The following KLHL18 variants were observed in gnomAD, a reference collection of about 807,000 sequenced individuals.
KLHL18 encodes the protein kelch like family member 18, also known as kelch-like protein 18.
A neutral mutation model predicts 58.5 loss-of-function variants in KLHL18; 38 were observed. The observed-to-expected ratio is 0.65, with a 90% confidence interval of 0.50 to 0.85. KLHL18 has a LOEUF of 0.85. KLHL18 is among the 40% of genes least tolerant of loss of function. The pLI, the probability that KLHL18 is intolerant of heterozygous loss-of-function variation, is 0.00. For missense variants in KLHL18, 624 were observed against 778.4 expected (o/e 0.80, Z 2.36); for synonymous variants, 303 against 301.9 (o/e 1.00, Z -0.04).
Position 47,340,687 on chromosome 3 carries a change from C to T in KLHL18, c.1226+11C>T, listed in dbSNP as rs1471517796. On this transcript the variant is annotated intron_variant, in intron 8 of 9. Transcript: ENST00000232766. ...ACCTGAGACGGACAAGTAAGGACTCCAGCTCCCTTGGGGCAACTGGAGCTT... is the reference window on the plus strand; with the variant it reads ...ACCTGAGACGGACAAGTAAGGACTCTAGCTCCCTTGGGGCAACTGGAGCTT... 6.2e-7 allele frequency: 1 copy of T among 1,613,902 alleles called. No homozygotes were observed. The highest frequency in any genetic ancestry group is 1.7e-5 in the Admixed American group (1 of 60,002).
chr3:47,325,684 G>A (rs1237350289), intron 3 of KLHL18, among the ~76,000 whole-genome samples: 2 of 152,040 alleles, frequency 1.3e-5, no homozygotes, highest in Non-Finnish European at 2.9e-5. Context: ...TGAGGCTGGG[G>A]TTGACTTTTT....
At chr3:47,309,808 G>A (rs1703250127) in intron 1 of KLHL18, among the ~76,000 whole-genome samples, 1 of 152,234 alleles carries the variant, frequency 6.6e-6, no homozygotes, top group African/African-American at 2.4e-5. Flanking sequence ...GACCAGCCCG[G>A]CCAACACAGC....
intron 1 of KLHL18, among the ~76,000 whole-genome samples, chr3:47,316,668 CGT>C (rs1290135510): frequency 5.7e-3 from 649 of 114,740 alleles, no homozygotes; most frequent in African/African-American, 0.019. Context: ...TACATATATA[CGT>C]ATATATGTAT....
At chr3:47,310,119 A>G (rs1703264277) in intron 1 of KLHL18, among the ~76,000 whole-genome samples, 1 of 152,174 alleles carries the variant, frequency 6.6e-6, no homozygotes, top group Non-Finnish European at 1.5e-5. Context: ...TATATCTTTT[A>G]CTTTCTTTGG....
intron 3 of KLHL18, among the ~76,000 whole-genome samples, chr3:47,328,626 T>C (rs1244103701): frequency 6.6e-6 from 1 of 152,126 alleles, no homozygotes; most frequent in Non-Finnish European, 1.5e-5. Context: ...AGAGTCCTGA[T>C]TTCAATCTCA....
chr3:47,315,323 AC>A (rs982716685), intron 1 of KLHL18, among the ~76,000 whole-genome samples: 5 of 151,994 alleles, frequency 3.3e-5, no homozygotes, highest in African/African-American at 7.2e-5. Context: ...AGATGCCTGC[AC>A]CCCCTCCCCC....
chr3:47,304,087 C>T (rs1329578464), intron 1 of KLHL18, among the ~76,000 whole-genome samples: 1 of 152,184 alleles, frequency 6.6e-6, no homozygotes, highest in Non-Finnish European at 1.5e-5. Flanking sequence ...TCTACATACA[C>T]ACATACAGTG....
At chr3:47,285,967 G>A (rs1702665759) in intron 1 of KLHL18, among the ~76,000 whole-genome samples, 1 of 151,776 alleles carries the variant, frequency 6.6e-6, no homozygotes, top group African/African-American at 2.4e-5. Flanking sequence ...TTGAGCCTGG[G>A]AGGCAGAGGC....
Position 47,323,129 on chromosome 3 carries a change from C to T in KLHL18, c.401+421C>T, listed in dbSNP as rs538836886. 8.6e-5 allele frequency among the ~76,000 whole-genome samples: 13 copies of T among 151,956 alleles called. No individual in the cohort carries two copies. The East Asian group carries it at 2.5e-3, about 29-fold the overall frequency. Reference sequence around the variant, plus strand: ...TTCAAGACAGGATCTTGCTCTGTCACCCAGGCTGGAGTGCAGTGGTATGAT... The same window carrying T: ...TTCAAGACAGGATCTTGCTCTGTCATCCAGGCTGGAGTGCAGTGGTATGAT... On this transcript the variant is annotated intron_variant, in intron 3 of 9. Transcript: ENST00000232766.
At chr3:47,283,907 G>A (rs1702569003) in intron 1 of KLHL18, among the ~76,000 whole-genome samples, 2 of 152,206 alleles carry the variant, frequency 1.3e-5, no homozygotes, top group Admixed American at 6.5e-5. Context: ...TTGGGCTTTA[G>A]CTGGAAAGCT....
In KLHL18 at chr3:47,335,291, C is replaced by T. The variant is rs190554220; in HGVS notation, c.898+472C>T. Among the ~76,000 whole-genome samples, 12 of 152,248 alleles carry T rather than the reference C, an allele frequency of 7.9e-5. No homozygotes were observed. In the East Asian group the frequency reaches 2.3e-3, roughly 29 times the overall value. Reference sequence around the variant, plus strand: ...ATCTCTGGGGTTAGACTGAGAAAGTCCCCAAGAGAAAGATTATCCAAATAC... The same window carrying T: ...ATCTCTGGGGTTAGACTGAGAAAGTTCCCAAGAGAAAGATTATCCAAATAC... On this transcript the variant is annotated intron_variant, in intron 6 of 9. Coordinates refer to ENST00000232766, the MANE Select transcript of KLHL18 (RefSeq NM_025010.5).
At chr3:47,285,020 A>G (rs1702645016) in intron 1 of KLHL18, among the ~76,000 whole-genome samples, 1 of 151,812 alleles carries the variant, frequency 6.6e-6, no homozygotes, top group African/African-American at 2.4e-5. Context: ...ACAGGGTTTC[A>G]CTACGTTAGC....
chr3:47,314,031 G>A (rs1359979049), intron 1 of KLHL18, among the ~76,000 whole-genome samples: 1 of 152,128 alleles, frequency 6.6e-6, no homozygotes, highest in Non-Finnish European at 1.5e-5. Context: ...TTTAAAAAAT[G>A]ACATTTTATT....
chr3:47,330,358 A>C (rs1210626326), intron 4 of KLHL18, among the ~76,000 whole-genome samples: 1 of 152,090 alleles, frequency 6.6e-6, no homozygotes, highest in Non-Finnish European at 1.5e-5. Context: ...TTGCTCTGTC[A>C]CCTAGGCTGG....
chr3:47,343,410 A>C, intron 9 of KLHL18, 145 bp from the exon 10 acceptor site: 1 of 907,458 alleles, frequency 1.1e-6, no homozygotes, highest in Middle Eastern at 3.4e-4. Context: ...GGCCTGCAGC[A>C]GAGGGAATAC....
intron 1 of KLHL18, among the ~76,000 whole-genome samples, chr3:47,295,068 C>T (rs1322862048): frequency 6.6e-6 from 1 of 152,056 alleles, no homozygotes; most frequent in Non-Finnish European, 1.5e-5. Context: ...TATGGCTTAG[C>T]ATTTTAAGTA....
chr3:47,304,930 G>C (rs908982105), intron 1 of KLHL18, among the ~76,000 whole-genome samples: 1 of 151,864 alleles, frequency 6.6e-6, no homozygotes, highest in African/African-American at 2.4e-5. Context: ...AGGCTGAGGT[G>C]GGAGGATGGT....
intron 4 of KLHL18, 40 bp downstream of exon 4, chr3:47,330,189 A>T: frequency 6.4e-7 from 1 of 1,551,192 alleles, no homozygotes; most frequent in Non-Finnish European, 8.9e-7. Context: ...GTGACATGAG[A>T]TGCTGCTCTT....
At chr3:47,309,867 A>T (rs295437) in intron 1 of KLHL18, among the ~76,000 whole-genome samples, 2 of 152,100 alleles carry the variant, frequency 1.3e-5, no homozygotes, top group Non-Finnish European at 2.9e-5. Context: ...CAGGCGTGGC[A>T]GCGCGCGCCT....
Sources: allele counts gnomAD v4.1 joint callset (sites outside exome capture counted in the v4.1 genomes callset), GRCh38; gene constraint gnomAD v4.1.1; transcripts MANE v1.5; gene names NCBI Gene and HGNC (gene_info 2026-07-23, HGNC 2026-07-21).